Variants in KCNG2 observed in about 807,000 individuals in gnomAD.
KCNG2 encodes voltage-gated potassium channel regulatory subunit KCNG2.
Under a neutral mutation model 12.3 loss-of-function variants are expected in KCNG2, and 7 were observed. That is an observed-to-expected ratio of 0.57 (90% CI 0.32 to 1.07). KCNG2 has a LOEUF of 1.07. KCNG2 is among the 50% of genes least tolerant of loss of function. The probability of loss-of-function intolerance (pLI) is 0.04; values close to 1 mark genes in which losing one functional copy is unlikely to be tolerated. For synonymous variants in KCNG2, 414 were observed against 351.4 expected, an observed-to-expected ratio of 1.18 and a Z score of -1.99; for missense variants, 703 against 726.0, an observed-to-expected ratio of 0.97 and a Z score of 0.36.
chr18:79,884,747 G>A lies in KCNG2; in HGVS notation c.625-14293G>A, dbSNP rs1020818508. 1.5e-4 allele frequency among the ~76,000 whole-genome samples: 23 copies of A among 152,202 alleles called. No individual in the cohort carries two copies. Among genetic ancestry groups the A allele is most frequent in the Admixed American group, 3.9e-4 (6 of 15,288 alleles). On this transcript the variant is annotated intron_variant, in intron 3 of 3. Coordinates refer to ENST00000316249, the MANE Select transcript of KCNG2 (RefSeq NM_012283.2). This position sits in a 1 kb window ranked among gnomAD's most constrained non-coding sequence, Gnocchi z 5.5. ...GAGCCACGGGGGCAGGGGTCCGCCC[G>A]GCTCTGTGTTCCTCGGGGGGGCTCA...
intron 1 of KCNG2, among the ~76,000 whole-genome samples, chr18:79,856,035 T>C (rs1329689298): frequency 1.3e-5 from 2 of 152,210 alleles, no homozygotes; most frequent in African/African-American, 4.8e-5. Flanking sequence ...AGAAGTAACT[T>C]TGTAATCTCC....
At chr18:79,879,482 AC>A (rs79539077) in intron 3 of KCNG2, among the ~76,000 whole-genome samples, 20,033 of 152,244 alleles carry the variant, frequency 0.13, 1,605 homozygotes, top group East Asian at 0.36. Flanking sequence ...TGAAACAAGA[AC>A]AAGACGCCAT....
rs577384828 is a variant in KCNG2 at position 79,822,241 on chromosome 18, G to C, written c.-115+24227G>C. Reference sequence around the variant, plus strand: ...TGTCTCCCACCCAGCTTCCTCCAGTGTTGGCAGAATGGTCCAGACCAGGGA... The same window carrying C: ...TGTCTCCCACCCAGCTTCCTCCAGTCTTGGCAGAATGGTCCAGACCAGGGA... On this transcript the variant is annotated intron_variant, in intron 1 of 3. Transcript: ENST00000316249. This position sits in a 1 kb window ranked among gnomAD's most constrained non-coding sequence, Gnocchi z 4.4. 2.2e-4 allele frequency among the ~76,000 whole-genome samples: 33 copies of C among 152,252 alleles called. No homozygotes were observed. In the South Asian group the frequency reaches 6.4e-3, roughly 30 times the overall value.
chr18:79,871,522 G>A (rs1392221815), intron 3 of KCNG2, among the ~76,000 whole-genome samples: 1 of 152,126 alleles, frequency 6.6e-6, no homozygotes, highest in African/African-American at 2.4e-5. Context: ...TATAACAAGG[G>A]CTGTATTAGG....
intron 1 of KCNG2, among the ~76,000 whole-genome samples, chr18:79,845,738 G>T (rs1007720832): frequency 6.6e-5 from 10 of 152,152 alleles, no homozygotes; most frequent in African/African-American, 2.4e-4. Flanking sequence ...TTTTATACAC[G>T]TGTGTATTTA....
chr18:79,801,881 A>C (rs2087412242), intron 1 of KCNG2, among the ~76,000 whole-genome samples: 1 of 152,174 alleles, frequency 6.6e-6, no homozygotes, highest in Non-Finnish European at 1.5e-5. Flanking sequence ...GGAGGGATTC[A>C]TTGCCCGCGT....
intron 1 of KCNG2, among the ~76,000 whole-genome samples, chr18:79,842,775 T>A (rs1978501572): frequency 6.6e-6 from 1 of 152,070 alleles, no homozygotes; most frequent in Non-Finnish European, 1.5e-5. Context: ...GAAGAAAGAA[T>A]CAGCAATCTC....
In KCNG2 at chr18:79,899,375, C is replaced by T. The variant is rs1270210422; in HGVS notation, c.960C>T (p.Arg320=). The part of the protein sequence containing the change: ...SLGLTMRRCA[R]EFGLLLLFLC... ...GCCTGACCATGCGCCGCTGCGCGCG[C>T]GAGTTCGGGCTGCTGCTGCTGTTCC... Residue 320 remains arginine (R), a synonymous_variant, in exon 4 of 4, where the codon CGC becomes CGT. Transcript: ENST00000316249. The T allele has an allele frequency of 4.5e-6, 7 of 1,560,770 alleles. No individual in the cohort carries two copies. The highest frequency in any genetic ancestry group is 1.2e-5 in the South Asian group (1 of 86,258).
At chr18:79,813,203 C>T (rs1329992360) in intron 1 of KCNG2, among the ~76,000 whole-genome samples, 2 of 151,994 alleles carry the variant, frequency 1.3e-5, no homozygotes, top group African/African-American at 4.8e-5. Context: ...AAGCTATAGA[C>T]CAGTATCTTT....
chr18:79,879,363 A>G (rs1980203583), intron 3 of KCNG2, among the ~76,000 whole-genome samples: 1 of 152,172 alleles, frequency 6.6e-6, no homozygotes, highest in African/African-American at 2.4e-5. Context: ...AGTGAGGCAC[A>G]TTGGGAAAGA....
At chr18:79,881,080 C>A (rs943407805) in intron 3 of KCNG2, among the ~76,000 whole-genome samples, 1 of 152,232 alleles carries the variant, frequency 6.6e-6, no homozygotes, top group Non-Finnish European at 1.5e-5. Flanking sequence ...TCCTCTTCAG[C>A]ACCTGTTGGC....
At chr18:79,859,203 T>A (rs1429061885) in intron 2 of KCNG2, among the ~76,000 whole-genome samples, 1 of 152,280 alleles carries the variant, frequency 6.6e-6, no homozygotes, top group South Asian at 2.1e-4. Context: ...GTTTTAGCTC[T>A]TACATTAAGG....
At chr18:79,823,090 C>T (rs2087584344) in intron 1 of KCNG2, among the ~76,000 whole-genome samples, 1 of 152,202 alleles carries the variant, frequency 6.6e-6, no homozygotes, top group African/African-American at 2.4e-5. Context: ...CTGTGCATTT[C>T]AGCTGGCCCC....
At chr18:79,857,063 C>CA (rs1979036692) in intron 2 of KCNG2, among the ~76,000 whole-genome samples, 6 of 33,458 alleles carry the variant, frequency 1.8e-4, no homozygotes, top group Non-Finnish European at 2.2e-4. Flanking sequence ...CCCCCACAGC[C>CA]GCCCCCACAG....
chr18:79,869,797 A>G (rs1979757251), intron 3 of KCNG2, among the ~76,000 whole-genome samples: 1 of 152,088 alleles, frequency 6.6e-6, no homozygotes, highest in East Asian at 1.9e-4. Flanking sequence ...TCTAAACCCA[A>G]ACACACCCAC....
intron 3 of KCNG2, among the ~76,000 whole-genome samples, chr18:79,878,609 C>T (rs1414946786): frequency 6.6e-6 from 1 of 152,248 alleles, no homozygotes; most frequent in East Asian, 1.9e-4. Flanking sequence ...TCAGCCTGCT[C>T]TCCTTTCATA....
intron 1 of KCNG2, among the ~76,000 whole-genome samples, chr18:79,828,446 G>GGTGT (rs3042173): frequency 1.3e-5 from 2 of 151,028 alleles, no homozygotes; most frequent in Non-Finnish European, 3.0e-5. Flanking sequence ...GCAAGTGTGT[G>GGTGT]GTGTGTGTGC....
At chr18:79,828,000 T>C (rs925426389) in intron 1 of KCNG2, among the ~76,000 whole-genome samples, 1 of 150,800 alleles carries the variant, frequency 6.6e-6, no homozygotes, top group Admixed American at 6.7e-5. Context: ...CAAGGCTCAC[T>C]GCAACCTCTG....
intron 1 of KCNG2, among the ~76,000 whole-genome samples, chr18:79,821,676 A>G (rs2087571613): frequency 6.6e-6 from 1 of 152,210 alleles, no homozygotes; most frequent in Admixed American, 6.5e-5. Context: ...GGTGCCATTT[A>G]CTAGGAAGGG....
Sources: gnomAD v4.1 joint callset for allele counts (sites outside exome capture counted in the v4.1 genomes callset) on GRCh38, gnomAD v4.1.1 for gene constraint, Gnocchi (gnomAD v3.1) non-coding constraint, MANE v1.5 for transcripts, NCBI Gene and HGNC (gene_info 2026-07-23, HGNC 2026-07-21) for gene names.